The following MND1 variants were observed in gnomAD, a reference collection of about 807,000 sequenced individuals.
MND1 encodes the protein meiotic nuclear divisions 1, also known as meiotic nuclear division protein 1 homolog.
Under a neutral mutation model 35.1 loss-of-function variants are expected in MND1, and 28 were observed. The ratio of observed to expected loss-of-function variants is 0.80; its 90% CI spans 0.59 to 1.09. The LOEUF (loss-of-function observed/expected upper bound fraction) is 1.09, where lower values mean the gene tolerates loss of function less well. MND1 is among the 50% of genes least tolerant of loss of function. The pLI, the probability that MND1 is intolerant of heterozygous loss-of-function variation, is 0.00. For missense variants in MND1, 213 were observed against 239.6 expected (o/e 0.89, Z 0.73); for synonymous variants, 69 against 70.5 (o/e 0.98, Z 0.11).
intron 4 of MND1, among the ~76,000 whole-genome samples, chr4:153,363,434 A>T (rs111914828): frequency 0.27 from 40,242 of 151,004 alleles, 5,721 homozygotes; most frequent in African/African-American, 0.38. Flanking sequence ...CTGGTCTCGA[A>T]CTCCCGACCT....
intron 4 of MND1, among the ~76,000 whole-genome samples, chr4:153,364,683 T>C (rs1222199556): frequency 3.3e-5 from 5 of 152,154 alleles, no homozygotes; most frequent in Admixed American, 2.6e-4. Flanking sequence ...AAGTGGAATA[T>C]TATTCAGCCT....
intron 4 of MND1, chr4:153,361,415 CT>C (rs1261697980): frequency 2.2e-6 from 1 of 454,496 alleles, no homozygotes; most frequent in East Asian, 7.0e-5. Flanking sequence ...CTTCTGTTTG[CT>C]TTTAAGATTT....
intron 7 of MND1, among the ~76,000 whole-genome samples, chr4:153,414,093 G>A (rs1199037719): frequency 6.6e-6 from 1 of 152,016 alleles, no homozygotes; most frequent in Non-Finnish European, 1.5e-5. Context: ...GAGAGAATGT[G>A]TTCCCTTTGG....
intron 2 of MND1, among the ~76,000 whole-genome samples, chr4:153,353,843 T>C (rs2119167): frequency 0.33 from 50,171 of 151,874 alleles, 9,313 homozygotes; most frequent in African/African-American, 0.51. Flanking sequence ...CCTCAGTCTC[T>C]CGAGTAGCTG....
At chr4:153,409,370 C>CTGCTAATAA (rs1729616816) in intron 7 of MND1, among the ~76,000 whole-genome samples, 1 of 149,380 alleles carries the variant, frequency 6.7e-6, no homozygotes, top group South Asian at 2.1e-4. Context: ...TATCATCTTG[C>CTGCTAATAA]TAATAATAAT....
intron 2 of MND1, 145 bp downstream of exon 2, chr4:153,350,274 TTCC>T: frequency 1.7e-6 from 1 of 599,082 alleles, no homozygotes; most frequent in Non-Finnish European, 2.9e-6. Flanking sequence ...ATATTTGTGG[TTCC>T]TGTGAGTTAT....
intron 4 of MND1, among the ~76,000 whole-genome samples, chr4:153,373,423 G>T (rs562006841): frequency 1.3e-5 from 2 of 152,274 alleles, no homozygotes; most frequent in South Asian, 4.1e-4. Flanking sequence ...CAAATATACG[G>T]TTTTTATTTC....
intron 6 of MND1, among the ~76,000 whole-genome samples, chr4:153,400,055 C>A (rs1026813308): frequency 6.6e-5 from 10 of 151,802 alleles, no homozygotes; most frequent in African/African-American, 2.2e-4. Context: ...GCACATGTCA[C>A]TACACCCAGC....
intron 6 of MND1, 42 bp from the exon 7 acceptor site, chr4:153,408,929 T>TATATAC: frequency 1.6e-6 from 1 of 626,162 alleles, no homozygotes; most frequent in Non-Finnish European, 2.3e-6. Context: ...TATATATATA[T>TATATAC]ATATAAATAC....
At chr4:153,394,759 A>AT (rs1244697221) in intron 5 of MND1, among the ~76,000 whole-genome samples, 4 of 152,146 alleles carry the variant, frequency 2.6e-5, no homozygotes, top group Admixed American at 6.5e-5. Flanking sequence ...TTTAAAAAAA[A>AT]TTTTTGCATA....
Position 153,355,842 on chromosome 4 carries a change from CAAAG to C in MND1, c.127+135_127+138del, listed in dbSNP as rs1198977744. On this transcript the variant is annotated intron_variant, in intron 3 of 7. Coordinates refer to ENST00000240488, the MANE Select transcript of MND1 (RefSeq NM_032117.4). Reference sequence around the variant, plus strand: ...TATGGAAAACCTAAATTTCTAGAGACAAAGAAATCATCACCATCCAAAGATAACC... The same window carrying C: ...TATGGAAAACCTAAATTTCTAGAGACAAATCATCACCATCCAAAGATAACC... The C allele has an allele frequency of 2.4e-5, 15 of 628,526 alleles. 1 individual carries two copies. Among genetic ancestry groups the C allele is most frequent in the African/African-American group, 1.1e-4 (6 of 54,042 alleles). 38.9% of individuals were successfully genotyped at this position (628,526 alleles called of 1,614,324 possible). A position where few individuals can be genotyped will look rare whatever the true frequency, so the allele number is the denominator to read the frequency against.
chr4:153,407,685 T>C (rs1005795235), intron 6 of MND1, among the ~76,000 whole-genome samples: 2 of 152,096 alleles, frequency 1.3e-5, no homozygotes, highest in Non-Finnish European at 1.5e-5. Context: ...AATTGTAAAA[T>C]AGTACTTCGC....
intron 4 of MND1, among the ~76,000 whole-genome samples, chr4:153,382,955 C>G (rs1236254298): frequency 6.6e-6 from 1 of 152,132 alleles, no homozygotes; most frequent in Non-Finnish European, 1.5e-5. Flanking sequence ...AATAGGCTAA[C>G]TTTTAGGCCC....
intron 4 of MND1, among the ~76,000 whole-genome samples, chr4:153,387,134 A>G (rs1728891716): frequency 6.6e-6 from 1 of 152,176 alleles, no homozygotes; most frequent in African/African-American, 2.4e-5. Flanking sequence ...CATTGCTTAG[A>G]TTTAGTGCAT....
At chr4:153,403,213 C>T (rs1431763334) in intron 6 of MND1, among the ~76,000 whole-genome samples, 1 of 152,176 alleles carries the variant, frequency 6.6e-6, no homozygotes, top group East Asian at 1.9e-4. Context: ...AGAAGGCCTA[C>T]ATGCATGCTT....
intron 2 of MND1, among the ~76,000 whole-genome samples, chr4:153,355,209 A>T (rs917993239): frequency 1.3e-5 from 2 of 152,144 alleles, no homozygotes; most frequent in Non-Finnish European, 2.9e-5. Context: ...GTATGCAAAA[A>T]TCTCTTAAGT....
chr4:153,378,199 T>G (rs1370534288), intron 4 of MND1, among the ~76,000 whole-genome samples: 1 of 152,214 alleles, frequency 6.6e-6, no homozygotes, highest in African/African-American at 2.4e-5. Context: ...GCCCATACCT[T>G]TTCTTTGACT....
chr4:153,394,778 T>G (rs1729153900), intron 5 of MND1, among the ~76,000 whole-genome samples: 1 of 152,186 alleles, frequency 6.6e-6, no homozygotes, highest in Non-Finnish European at 1.5e-5. Flanking sequence ...TAGAACAAAC[T>G]GAAAACTATC....
chr4:153,358,713 T>A, intron 4 of MND1, 91 bp downstream of exon 4: 1 of 1,247,138 alleles, frequency 8.0e-7, no homozygotes, highest in Non-Finnish European at 1.1e-6. Context: ...TTCTTTTGAA[T>A]TTTTGATATG....
Sources: gnomAD v4.1 joint callset for allele counts (sites outside exome capture counted in the v4.1 genomes callset) on GRCh38, gnomAD v4.1.1 for gene constraint, MANE v1.5 for transcripts, NCBI Gene and HGNC (gene_info 2026-07-23, HGNC 2026-07-21) for gene names.